RORA: variants seen among roughly 807,000 people sequenced by gnomAD.
RORA encodes the protein RAR related orphan receptor A, also known as nuclear receptor ROR-alpha.
A neutral mutation model predicts 69.5 loss-of-function variants in RORA; 7 were observed. The observed-to-expected ratio is 0.10, with a 90% CI of 0.06 to 0.19. The LOEUF is 0.19. Ranked by LOEUF, RORA falls within the 10% of genes least tolerant of loss-of-function variation. The probability of loss-of-function intolerance (pLI) is 1.00; values close to 1 mark genes in which losing one functional copy is unlikely to be tolerated. For missense variants in RORA, 457 were observed against 663.0 expected (o/e 0.69, Z 3.41); for synonymous variants, 261 against 240.8 (o/e 1.08, Z -0.78).
At chr15:60,973,294 G>A (rs766598459) in intron 1 of RORA, among the ~76,000 whole-genome samples, 1 of 152,270 alleles carries the variant, frequency 6.6e-6, no homozygotes, top group African/African-American at 2.4e-5. Flanking sequence ...GAGGCCCAGA[G>A]AGGTGAAGTT....
chr15:60,615,817 G>A (rs139819430), intron 2 of RORA, among the ~76,000 whole-genome samples: 1 of 152,320 alleles, frequency 6.6e-6, no homozygotes, highest in Non-Finnish European at 1.5e-5. Context: ...CCTGCTGCCT[G>A]AAACCCCTTA....
At chr15:60,707,339 TTTATTTA>T (rs1387836858) in intron 1 of RORA, among the ~76,000 whole-genome samples, 2 of 101,624 alleles carry the variant, frequency 2.0e-5, no homozygotes, top group African/African-American at 1.0e-4. Context: ...CTTTATTTTA[TTTATTTA>T]TTTATTTATT....
rs1051778420 is a variant in RORA, at chr15:60,654,139, G to A, written c.196+24518C>T. Among the ~76,000 whole-genome samples the A allele has an allele frequency of 5.3e-5, 8 of 152,180 alleles. No homozygotes were observed. In the South Asian group the frequency reaches 8.3e-4, roughly 16 times the overall value. On this transcript the variant is annotated intron_variant, in intron 2 of 10. Transcript: ENST00000335670. Reference sequence around the variant, plus strand: ...GACTTGTTGACCAAAGCTTCTCACCGGCTAAGGACAGAGAAGTCTTATTTC... The same window carrying A: ...GACTTGTTGACCAAAGCTTCTCACCAGCTAAGGACAGAGAAGTCTTATTTC...
At chr15:61,175,273 T>TTTAGGAAATAGTA (rs1366860137) in intron 1 of RORA, among the ~76,000 whole-genome samples, 1 of 152,090 alleles carries the variant, frequency 6.6e-6, no homozygotes, top group African/African-American at 2.4e-5. Context: ...AGGATTCAAA[T>TTTAGGAAATAGTA]TTAGGAAATA....
chr15:60,608,906 G>A (rs766362618), intron 2 of RORA, among the ~76,000 whole-genome samples: 19 of 152,088 alleles, frequency 1.2e-4, no homozygotes, highest in Non-Finnish European at 2.6e-4. Context: ...ATCTGATGGG[G>A]GTTTTACAGT....
chr15:61,123,156 C>T (rs1331653599), intron 1 of RORA, among the ~76,000 whole-genome samples: 2 of 152,134 alleles, frequency 1.3e-5, no homozygotes, highest in Non-Finnish European at 2.9e-5. Flanking sequence ...GATGAAGCTG[C>T]TTTCCTGGGG....
intron 1 of RORA, among the ~76,000 whole-genome samples, chr15:60,975,856 G>A (rs1893859843): frequency 6.6e-6 from 1 of 151,954 alleles, no homozygotes; most frequent in African/African-American, 2.4e-5. Context: ...ATGCACACGT[G>A]CATACATACA....
chr15:60,581,502 C>T (rs780325265), intron 2 of RORA, among the ~76,000 whole-genome samples: 1 of 152,144 alleles, frequency 6.6e-6, no homozygotes, highest in Admixed American at 6.5e-5. Flanking sequence ...CTAGGGCAAA[C>T]GTGGCTGTGA....
At position 60,664,162 on chromosome 15, in the gene RORA, A is replaced by G. The variant is rs575016917; in HGVS notation, c.196+14495T>C. On this transcript the variant is annotated intron_variant, in intron 2 of 10. Coordinates refer to ENST00000335670, the MANE Select transcript of RORA (RefSeq NM_134261.3). ...TCTTCCTGTCTCTCAAATCACCCCAATTATACACAGGATTAGGTAACTTCC... is the reference window on the plus strand; with the variant it reads ...TCTTCCTGTCTCTCAAATCACCCCAGTTATACACAGGATTAGGTAACTTCC... 2.5e-3 allele frequency among the ~76,000 whole-genome samples: 385 copies of G among 152,298 alleles called. 1 individual carries two copies. The highest frequency in any genetic ancestry group is 4.8e-3 in the Non-Finnish European group (326 of 68,026).
chr15:60,769,655 G>C (rs548363651), intron 1 of RORA, among the ~76,000 whole-genome samples: 3 of 152,078 alleles, frequency 2.0e-5, no homozygotes, highest in African/African-American at 7.2e-5. Flanking sequence ...CTCATGCCAC[G>C]AGTGTGCCTC....
chr15:60,947,102 G>C (rs1469142331), intron 1 of RORA, among the ~76,000 whole-genome samples: 1 of 141,556 alleles, frequency 7.1e-6, no homozygotes, highest in Non-Finnish European at 1.6e-5. Context: ...CCCTGTCCGG[G>C]AGGGAGGTGG....
chr15:60,857,035 T>C (rs2073387490), intron 1 of RORA, among the ~76,000 whole-genome samples: 1 of 152,226 alleles, frequency 6.6e-6, no homozygotes, highest in Non-Finnish European at 1.5e-5. Context: ...CGTTGCTTCA[T>C]TCATTCCTCC....
At chr15:60,507,560 G>A (rs2065550084) in intron 5 of RORA, among the ~76,000 whole-genome samples, 1 of 152,158 alleles carries the variant, frequency 6.6e-6, no homozygotes, top group Non-Finnish European at 1.5e-5. Flanking sequence ...GAAACTGAGA[G>A]TGAGAGAGAG....
chr15:60,854,991 T>A (rs2073364490), intron 1 of RORA, among the ~76,000 whole-genome samples: 1 of 152,234 alleles, frequency 6.6e-6, no homozygotes, highest in African/African-American at 2.4e-5. Flanking sequence ...CTGGAGAAGA[T>A]GCTGGTAGTC....
intron 1 of RORA, among the ~76,000 whole-genome samples, chr15:61,105,151 G>A (rs1485216256): frequency 6.6e-6 from 1 of 152,088 alleles, no homozygotes; most frequent in Non-Finnish European, 1.5e-5. Flanking sequence ...CAACTCAAAA[G>A]TAACTTTCTC....
chr15:61,196,338 A>G (rs1260712840), intron 1 of RORA, among the ~76,000 whole-genome samples: 1 of 152,220 alleles, frequency 6.6e-6, no homozygotes, highest in Non-Finnish European at 1.5e-5. Context: ...CCGTGTGACA[A>G]CTTAGCAGCT....
chr15:60,811,283 C>G (rs1189896040), intron 1 of RORA, among the ~76,000 whole-genome samples: 1 of 152,290 alleles, frequency 6.6e-6, no homozygotes, highest in East Asian at 1.9e-4. Flanking sequence ...TTCAGAGATA[C>G]CTGGTGCCAT....
chr15:60,823,160 T>C (rs947029454), intron 1 of RORA, among the ~76,000 whole-genome samples: 3 of 148,400 alleles, frequency 2.0e-5, no homozygotes, highest in Admixed American at 6.7e-5. Context: ...CTTTCTTTCA[T>C]TTTCTCCCTT....
intron 1 of RORA, among the ~76,000 whole-genome samples, chr15:60,819,328 A>T (rs1009130972): frequency 2.0e-5 from 3 of 152,222 alleles, no homozygotes; most frequent in African/African-American, 7.2e-5. Context: ...AAATAACACT[A>T]TACAGACACA....
Sources: allele counts gnomAD v4.1 joint callset (sites outside exome capture counted in the v4.1 genomes callset), GRCh38; gene constraint gnomAD v4.1.1; transcripts MANE v1.5; gene names NCBI Gene and HGNC (gene_info 2026-07-23, HGNC 2026-07-21).